TENM2: variants seen among roughly 807,000 people sequenced by gnomAD.
TENM2 encodes the protein teneurin transmembrane protein 2.
In TENM2, 52 loss-of-function variants were observed where a neutral mutation model predicts 245.2. The observed-to-expected ratio is 0.21, with a 90% CI of 0.17 to 0.27. The LOEUF (loss-of-function observed/expected upper bound fraction) is 0.27, where lower values mean the gene tolerates loss of function less well. Among genes scored for constraint, TENM2 ranks in the 10% least tolerant of loss-of-function variants. The pLI is 1.00. For synonymous variants in TENM2, 1,363 were observed against 1,438.9 expected, an observed-to-expected ratio of 0.95 and a Z score of 1.19; for missense variants, 3,046 against 3,666.8, an observed-to-expected ratio of 0.83 and a Z score of 4.37.
the TENM2 span, among the ~76,000 whole-genome samples, chr5:167,088,636 AC>A: frequency 4.5e-5 from 6 of 134,756 alleles, no homozygotes; most frequent in Non-Finnish European, 1.1e-4. Flanking sequence ...TTTTAAAAAA[AC>A]AAAAGAAAAA....
At chr5:167,377,282 T>C (rs772471312) in intron 2 of TENM2, among the ~76,000 whole-genome samples, 2 of 152,166 alleles carry the variant, frequency 1.3e-5, no homozygotes, top group Non-Finnish European at 2.9e-5. Flanking sequence ...TGTAAATCCC[T>C]GCATACTGAT....
chr5:167,128,623 C>G, the TENM2 span, among the ~76,000 whole-genome samples: 1 of 151,888 alleles, frequency 6.6e-6, no homozygotes, highest in Non-Finnish European at 1.5e-5. Flanking sequence ...CTTATGGACA[C>G]TTCACTGAAG....
chr5:167,172,210 A>G, the TENM2 span, among the ~76,000 whole-genome samples: 1 of 152,130 alleles, frequency 6.6e-6, no homozygotes, highest in Non-Finnish European at 1.5e-5. Context: ...TCCAAAATAG[A>G]CCATTTGGAA....
chr5:168,244,601 T>C lies in TENM2; in HGVS notation c.5702T>C (p.Leu1901Pro), dbSNP rs1766383067. The stretch of plus-strand genomic sequence containing the variant: ...GTGTCATACTTCTTCAATGGGCGCC[T>C]GGCTGGGCTTCAGCGTGGGGCCATG... The change falls in exon 26 of 29, where the codon CTG (leucine) becomes CCG (proline). Residue 1901 changes from leucine (L) to proline (P), a missense_variant. Transcript: ENST00000518659. This position sits in a 1 kb window ranked among gnomAD's most constrained non-coding sequence, Gnocchi z 4.9. 2.5e-6 allele frequency: 4 copies of C among 1,606,260 alleles called. No homozygotes were observed. The highest frequency in any genetic ancestry group is 2.6e-6 in the Non-Finnish European group (3 of 1,174,904).
chr5:168,092,911 G>A (rs966211679), intron 8 of TENM2, among the ~76,000 whole-genome samples: 2 of 152,156 alleles, frequency 1.3e-5, no homozygotes, highest in African/African-American at 4.8e-5. Context: ...GCTAGCCCCA[G>A]TATTATGCCT....
intron 2 of TENM2, among the ~76,000 whole-genome samples, chr5:167,679,830 A>G (rs1282118928): frequency 6.6e-6 from 1 of 152,166 alleles, no homozygotes; most frequent in African/African-American, 2.4e-5. Flanking sequence ...TGCAATGTTC[A>G]CCTGGAATAG....
intron 25 of TENM2, among the ~76,000 whole-genome samples, chr5:168,236,028 G>A (rs1765399448): frequency 6.6e-6 from 1 of 152,178 alleles, no homozygotes. Context: ...AGAGACTTCT[G>A]CCTGTATCCT....
chr5:167,269,959 A>T, the TENM2 span, among the ~76,000 whole-genome samples: 1 of 152,148 alleles, frequency 6.6e-6, no homozygotes. Flanking sequence ...AAGTAGTCAG[A>T]TAGTTATAAA....
chr5:168,032,275 G>T (rs1562074652), intron 5 of TENM2, among the ~76,000 whole-genome samples: 2 of 152,324 alleles, frequency 1.3e-5, no homozygotes, highest in East Asian at 3.9e-4. Context: ...ACAGTGCATG[G>T]CAAACAGTAA....
At chr5:167,139,785 A>C in the TENM2 span, among the ~76,000 whole-genome samples, 1 of 152,238 alleles carries the variant, frequency 6.6e-6, no homozygotes, top group Non-Finnish European at 1.5e-5. Context: ...ACAAATATGA[A>C]AAAAATAAGA....
chr5:167,521,987 C>T (rs1263576505), intron 2 of TENM2, among the ~76,000 whole-genome samples: 1 of 152,086 alleles, frequency 6.6e-6, no homozygotes, highest in African/African-American at 2.4e-5. Flanking sequence ...TTATAAAGCA[C>T]AATTATATTT....
intron 5 of TENM2, 72 bp from the exon 8 acceptor site, chr5:168,047,355 C>T (rs1046624497): frequency 5.2e-6 from 8 of 1,531,672 alleles, no homozygotes; most frequent in Admixed American, 2.0e-5. Context: ...AAAAGGGCAC[C>T]TGGCCCTCCC....
At chr5:167,703,885 T>G (rs1758329924) in intron 2 of TENM2, among the ~76,000 whole-genome samples, 1 of 136,300 alleles carries the variant, frequency 7.3e-6, no homozygotes, top group African/African-American at 3.1e-5. Flanking sequence ...GGTGTTTTGT[T>G]GTGCTTCAAA....
chr5:166,987,825 G>A, the TENM2 span, among the ~76,000 whole-genome samples: 1 of 152,118 alleles, frequency 6.6e-6, no homozygotes, highest in African/African-American at 2.4e-5. Flanking sequence ...AGGGGTTTTG[G>A]AAAAATGATT....
intron 26 of TENM2, among the ~76,000 whole-genome samples, chr5:168,245,572 TAAAAAA>T (rs35630506): frequency 8.3e-6 from 1 of 120,094 alleles, no homozygotes; most frequent in Non-Finnish European, 1.7e-5. Context: ...GGAGTGGCGG[TAAAAAA>T]AAAAAAAAAA....
intron 2 of TENM2, among the ~76,000 whole-genome samples, chr5:167,814,575 T>C (rs937041747): frequency 1.3e-5 from 2 of 151,436 alleles, no homozygotes; most frequent in Non-Finnish European, 2.9e-5. Context: ...CCAATCTGTG[T>C]GGTGTAAGTA....
chr5:167,834,807 G>A (rs1467660565), intron 2 of TENM2, among the ~76,000 whole-genome samples: 5 of 151,868 alleles, frequency 3.3e-5, no homozygotes, highest in Non-Finnish European at 7.4e-5. Flanking sequence ...CCGCCACCAC[G>A]CCCAGCTAAT....
chr5:167,874,093 A>G (rs1196045434), intron 2 of TENM2, among the ~76,000 whole-genome samples: 3 of 152,126 alleles, frequency 2.0e-5, no homozygotes, highest in Admixed American at 6.5e-5. Flanking sequence ...CACCTTTCCC[A>G]GGAATCCTTA....
chr5:168,055,288 T>C (rs1789440000), intron 6 of TENM2, among the ~76,000 whole-genome samples: 1 of 152,198 alleles, frequency 6.6e-6, no homozygotes, highest in Non-Finnish European at 1.5e-5. Context: ...TAAATATTTA[T>C]TGCATGGAAG....
Sources: allele counts gnomAD v4.1 joint callset (sites outside exome capture counted in the v4.1 genomes callset), GRCh38; gene constraint gnomAD v4.1.1; non-coding constraint Gnocchi (gnomAD v3.1); transcripts MANE v1.5; gene names NCBI Gene and HGNC (gene_info 2026-07-23, HGNC 2026-07-21).